Variants in ABCB1 observed in about 807,000 individuals in gnomAD.
ABCB1 encodes the protein ATP binding cassette subfamily B member 1.
In ABCB1, 69 loss-of-function variants were observed where a neutral mutation model predicts 142.0. That is an observed-to-expected ratio of 0.49 (90% CI 0.40 to 0.59). The LOEUF (loss-of-function observed/expected upper bound fraction) is 0.59, where lower values mean the gene tolerates loss of function less well. Among genes scored for constraint, ABCB1 ranks in the 20% least tolerant of loss-of-function variants. The probability of loss-of-function intolerance (pLI) is 0.00; values close to 1 mark genes in which losing one functional copy is unlikely to be tolerated. For missense variants in ABCB1, 1,326 were observed against 1,554.7 expected, an observed-to-expected ratio of 0.85 and a Z score of 2.47; for synonymous variants, 532 against 539.2, an observed-to-expected ratio of 0.99 and a Z score of 0.18.
chr7:87,700,013 G>GT (rs965166902), intron 1 of ABCB1, among the ~76,000 whole-genome samples: 19 of 150,964 alleles, frequency 1.3e-4, no homozygotes, highest in African/African-American at 4.6e-4. Context: ...TTTTTTTTCT[G>GT]TTTTTTTAAA....
intron 7 of ABCB1, among the ~76,000 whole-genome samples, chr7:87,565,815 A>T (rs1817762885): frequency 6.6e-6 from 1 of 151,802 alleles, no homozygotes; most frequent in African/African-American, 2.4e-5. Flanking sequence ...ACAAAGGCAG[A>T]AGGTAGATAT....
rs892980508 is a variant in ABCB1, at chr7:87,629,020, G to C, written c.-330-27942C>G. The C allele has an allele frequency of 1.7e-5, 21 of 1,248,606 alleles. No individual in the cohort carries two copies. In the East Asian group the frequency reaches 1.8e-4, roughly 11 times the overall value. The allele number at this position is 1,248,606 out of a possible 1,614,324, so 77.3% of individuals were successfully genotyped here. A position where few individuals can be genotyped will look rare whatever the true frequency, so the allele number is the denominator to read the frequency against. On this transcript the variant is annotated intron_variant, in intron 1 of 28. Transcript: ENST00000265724. ...CTCTGGGCTTCCGCGCGGGTCCTTG[G>C]GGGTCCCGGGCATGATGGGCTGCCG...
At chr7:87,590,170 A>G (rs1394962219) in intron 3 of ABCB1, among the ~76,000 whole-genome samples, 6 of 152,232 alleles carry the variant, frequency 3.9e-5, no homozygotes, top group Non-Finnish European at 8.8e-5. Flanking sequence ...GCTTGGTTCT[A>G]GGTACTGGTA....
chr7:87,679,546 C>T (rs540454006), intron 1 of ABCB1, among the ~76,000 whole-genome samples: 1 of 150,098 alleles, frequency 6.7e-6, no homozygotes, highest in African/African-American at 2.5e-5. Flanking sequence ...CACACCACTA[C>T]ACCCAGCTAA....
intron 21 of ABCB1, 146 bp from the exon 22 acceptor site, chr7:87,521,022 T>C: frequency 3.0e-6 from 2 of 675,310 alleles, no homozygotes; most frequent in Admixed American, 2.4e-5. Flanking sequence ...AAAAAGATAC[T>C]AAGTAATTTA....
intron 21 of ABCB1, chr7:87,521,949 C>G (rs1239342061): frequency 1.3e-6 from 1 of 793,154 alleles, no homozygotes; most frequent in African/African-American, 1.7e-5. Context: ...GTAAGACTGT[C>G]ACTGAGAAAT....
rs1253462004 is a variant in ABCB1, at chr7:87,509,394, C to A, written c.3370G>T (p.Asp1124Tyr). Residue 1124 changes from aspartate to tyrosine, a missense_variant, in exon 26 of 28, where the codon GAC (aspartate) becomes TAC (tyrosine). By Grantham distance (160) the Asp-to-Tyr change is radical. Transcript: ENST00000622132. ...GIVSQEPILF[D>Y]CSIAENIAYG... ...GCAATGTTCTCAGCAATGCTGCAGT[C>A]AAACAGGATGGGCTCCTGGGACACG... The A allele has an allele frequency of 1.2e-6, 2 of 1,614,054 alleles. No homozygotes were observed. The highest frequency in any genetic ancestry group is 1.7e-6 in the Non-Finnish European group (2 of 1,180,024).
intron 3 of ABCB1, among the ~76,000 whole-genome samples, chr7:87,587,164 A>G (rs1438805699): frequency 6.6e-6 from 1 of 152,200 alleles, no homozygotes; most frequent in Non-Finnish European, 1.5e-5. Flanking sequence ...GCTTCCTTAA[A>G]CAAAAATGAA....
chr7:87,655,949 A>C (rs577938377), intron 1 of ABCB1, among the ~76,000 whole-genome samples: 72 of 152,188 alleles, frequency 4.7e-4, no homozygotes, highest in African/African-American at 1.5e-3. Flanking sequence ...GAGACACAAC[A>C]TTCCTTCACT....
At chr7:87,519,298 C>T (rs1313012009) in intron 23 of ABCB1, 28 bp downstream of exon 23, 1 of 1,608,184 alleles carries the variant, frequency 6.2e-7, no homozygotes, top group Non-Finnish European at 8.5e-7. Flanking sequence ...ATTTTTAGAG[C>T]TTAACTAAAT....
intron 1 of ABCB1, among the ~76,000 whole-genome samples, chr7:87,673,931 G>T (rs1296473053): frequency 6.6e-6 from 1 of 152,134 alleles, no homozygotes; most frequent in Non-Finnish European, 1.5e-5. Flanking sequence ...GTGATATAAG[G>T]TAGGTTCAGT....
At chr7:87,515,483 G>A (rs111526989) in intron 24 of ABCB1, 55 bp from the exon 25 acceptor site, 10 of 1,532,602 alleles carry the variant, frequency 6.5e-6, no homozygotes, top group Non-Finnish European at 9.0e-6. Context: ...AAAATAAAGT[G>A]TATAGCTAAC....
At chr7:87,653,005 G>GA (rs1365614579) in intron 1 of ABCB1, among the ~76,000 whole-genome samples, 1 of 151,912 alleles carries the variant, frequency 6.6e-6, no homozygotes, top group African/African-American at 2.4e-5. Context: ...CACAGTATAG[G>GA]CTGTGCTGAT....
chr7:87,572,198 T>C (rs1818085077), intron 4 of ABCB1, among the ~76,000 whole-genome samples: 1 of 152,212 alleles, frequency 6.6e-6, no homozygotes, highest in African/African-American at 2.4e-5. Context: ...AATGTCTCTA[T>C]ATAGTATTAA....
intron 1 of ABCB1, among the ~76,000 whole-genome samples, chr7:87,626,857 C>A (rs1381048937): frequency 6.6e-6 from 1 of 151,824 alleles, no homozygotes; most frequent in Non-Finnish European, 1.5e-5. Context: ...CTCACTGCAA[C>A]CTCCGCCTCC....
At chr7:87,529,005 C>A (rs1354063007) in intron 21 of ABCB1, among the ~76,000 whole-genome samples, 1 of 152,112 alleles carries the variant, frequency 6.6e-6, no homozygotes. Context: ...GTTTGGTAAT[C>A]CATGATAAAA....
At chr7:87,578,934 C>A (rs1276564838) in intron 4 of ABCB1, among the ~76,000 whole-genome samples, 1 of 151,862 alleles carries the variant, frequency 6.6e-6, no homozygotes, top group Non-Finnish European at 1.5e-5. Flanking sequence ...ACCTCGTGAT[C>A]CACCTGCCTC....
rs1404666033 is a variant in ABCB1 at position 87,670,560 on chromosome 7, G to A, written c.-331+42601C>T. On this transcript the variant is annotated intron_variant, in intron 1 of 28. Coordinates refer to the ABCB1 transcript ENST00000265724. ...GGCATACAATACTCTGAACATTTGA[G>A]TTACTGGAGCTCTTGCATTGGTTCT... Among the ~76,000 whole-genome samples, 3 of 152,220 alleles carry A rather than the reference G, an allele frequency of 2.0e-5. No homozygotes were observed. In the East Asian group the frequency reaches 5.8e-4, roughly 29 times the overall value.
At chr7:87,509,606 T>C in intron 25 of ABCB1, 125 bp from the exon 26 acceptor site, 1 of 1,051,134 alleles carries the variant, frequency 9.5e-7, no homozygotes, top group Non-Finnish European at 1.4e-6. Context: ...GTTTGTGTGA[T>C]TAAAATTTGG....
Sources: allele counts gnomAD v4.1 joint callset (sites outside exome capture counted in the v4.1 genomes callset), GRCh38; gene constraint gnomAD v4.1.1; transcripts MANE v1.5; gene names NCBI Gene and HGNC (gene_info 2026-07-23, HGNC 2026-07-21).